The following DCC variants were observed in gnomAD, a reference collection of about 807,000 sequenced individuals.
The protein encoded by DCC is DCC netrin 1 receptor.
Under a neutral mutation model 172.5 loss-of-function variants are expected in DCC, and 58 were observed. The observed-to-expected ratio is 0.34, with a 90% confidence interval of 0.27 to 0.42. The LOEUF (loss-of-function observed/expected upper bound fraction) is 0.42. DCC is among the 10% of genes least tolerant of loss of function. The pLI, the probability that DCC is intolerant of heterozygous loss-of-function variation, is 1.00. For missense variants in DCC, 1,740 were observed against 1,791.0 expected, an observed-to-expected ratio of 0.97 and a Z score of 0.51; for synonymous variants, 709 against 644.5, an observed-to-expected ratio of 1.10 and a Z score of -1.52.
intron 5 of DCC, among the ~76,000 whole-genome samples, chr18:52,957,218 A>G (rs2040759049): frequency 6.6e-6 from 1 of 152,126 alleles, no homozygotes; most frequent in Non-Finnish European, 1.5e-5. Flanking sequence ...TTAATGACCT[A>G]TCATTTGGAG....
At chr18:53,237,812 A>G (rs1215106098) in intron 12 of DCC, among the ~76,000 whole-genome samples, 1 of 152,208 alleles carries the variant, frequency 6.6e-6, no homozygotes, top group Non-Finnish European at 1.5e-5. Flanking sequence ...AATGTCTGAC[A>G]AACCGAGCTG....
intron 5 of DCC, among the ~76,000 whole-genome samples, chr18:53,025,795 T>TACACAC (rs34351949): frequency 0.073 from 10,376 of 141,454 alleles, 436 homozygotes; most frequent in Non-Finnish European, 0.099. Flanking sequence ...AAAACTATGA[T>TACACAC]ACACACACAC....
intron 16 of DCC, among the ~76,000 whole-genome samples, chr18:53,386,723 T>G (rs988631460): frequency 2.6e-5 from 4 of 152,156 alleles, no homozygotes; most frequent in African/African-American, 9.7e-5. Context: ...CTTGTCACCC[T>G]TAGGAATTTT....
intron 9 of DCC, among the ~76,000 whole-genome samples, chr18:53,196,924 C>T (rs1050921896): frequency 6.6e-6 from 1 of 152,006 alleles, no homozygotes; most frequent in Admixed American, 6.6e-5. Context: ...TATCTCCTAA[C>T]TATGTACAGT....
At chr18:53,298,200 T>C (rs1169838886) in intron 12 of DCC, among the ~76,000 whole-genome samples, 1 of 152,024 alleles carries the variant, frequency 6.6e-6, no homozygotes, top group East Asian at 1.9e-4. Context: ...CTAAGCACAA[T>C]TGTTCTCTCT....
chr18:53,082,154 C>T (rs906921001), intron 7 of DCC, among the ~76,000 whole-genome samples: 1 of 152,050 alleles, frequency 6.6e-6, no homozygotes, highest in Admixed American at 6.6e-5. Flanking sequence ...CTACCCTCGT[C>T]CTTATCAATT....
chr18:53,240,859 T>A (rs534419616), intron 12 of DCC, among the ~76,000 whole-genome samples: 1 of 152,222 alleles, frequency 6.6e-6, no homozygotes, highest in Non-Finnish European at 1.5e-5. Context: ...ATTTTTCAGA[T>A]ATTTGTAATA....
intron 1 of DCC, among the ~76,000 whole-genome samples, chr18:52,669,632 C>T (rs1045342882): frequency 5.9e-5 from 9 of 152,152 alleles, no homozygotes; most frequent in Non-Finnish European, 1.3e-4. Context: ...TTGGCAAATA[C>T]ACGGTGCATA....
In DCC at chr18:53,159,534, A is replaced by G. The variant is rs1010277641; in HGVS notation, c.1418+2022A>G. Among the ~76,000 whole-genome samples, 6 of 152,248 alleles carry G rather than the reference A, an allele frequency of 3.9e-5. No individual in the cohort carries two copies. The East Asian group carries it at 1.2e-3, about 29-fold the overall frequency. On this transcript the variant is annotated intron_variant, in intron 8 of 28. Transcript: ENST00000442544. ...GTTACCTTTTTGAAATATAGTTTTG[A>G]TCACTCACTCCACTGCCCCAAAATG...
intron 1 of DCC, among the ~76,000 whole-genome samples, chr18:52,499,957 T>C (rs1237006651): frequency 6.6e-6 from 1 of 152,148 alleles, no homozygotes; most frequent in African/African-American, 2.4e-5. Flanking sequence ...TATCATCTCA[T>C]ATGCTTTGCA....
intron 12 of DCC, among the ~76,000 whole-genome samples, chr18:53,234,601 G>A (rs899638617): frequency 6.6e-6 from 1 of 152,050 alleles, no homozygotes; most frequent in African/African-American, 2.4e-5. Flanking sequence ...GTGTTTAAAA[G>A]AAAATTAGTT....
intron 5 of DCC, among the ~76,000 whole-genome samples, chr18:53,057,079 TAAAAA>T (rs11316527): frequency 4.4e-3 from 390 of 89,334 alleles, no homozygotes; most frequent in African/African-American, 0.016. Flanking sequence ...CTTCTAAAAG[TAAAAA>T]AAAAAAAAAA....
intron 7 of DCC, among the ~76,000 whole-genome samples, chr18:53,099,166 A>G (rs1027634859): frequency 2.0e-5 from 3 of 152,078 alleles, no homozygotes; most frequent in Non-Finnish European, 4.4e-5. Flanking sequence ...GCCAAATGGT[A>G]AGTTTCAACT....
chr18:53,024,425 T>C (rs1444206049), intron 5 of DCC, among the ~76,000 whole-genome samples: 1 of 152,158 alleles, frequency 6.6e-6, no homozygotes, highest in Admixed American at 6.6e-5. Flanking sequence ...TTTGTGAGGT[T>C]ACTGTAAATA....
At chr18:53,094,760 T>G (rs974451254) in intron 7 of DCC, among the ~76,000 whole-genome samples, 4 of 152,214 alleles carry the variant, frequency 2.6e-5, no homozygotes, top group African/African-American at 9.6e-5. Context: ...TTATTAGTTT[T>G]GCCTTGGGCT....
chr18:52,497,269 AAAAAAAAAAAAATAT>A (rs1296038794), intron 1 of DCC, among the ~76,000 whole-genome samples: 2 of 80,716 alleles, frequency 2.5e-5, no homozygotes, highest in South Asian at 3.7e-4. Flanking sequence ...TCAAAAAAAA[AAAAAAAAAAAAATAT>A]ATATATATAT....
chr18:53,279,047 A>G (rs1384507496), intron 12 of DCC, among the ~76,000 whole-genome samples: 1 of 152,086 alleles, frequency 6.6e-6, no homozygotes. Context: ...AAGTGTTCCT[A>G]TTTCTCCACA....
chr18:53,279,268 CTGGAT>C (rs1160676726), intron 12 of DCC, among the ~76,000 whole-genome samples: 1 of 151,840 alleles, frequency 6.6e-6, no homozygotes, highest in Non-Finnish European at 1.5e-5. Flanking sequence ...CAATGATAGA[CTGGAT>C]TAAGAAAATG....
At chr18:52,574,277 T>C (rs565350469) in intron 1 of DCC, among the ~76,000 whole-genome samples, 1 of 152,302 alleles carries the variant, frequency 6.6e-6, no homozygotes, top group East Asian at 1.9e-4. Flanking sequence ...ATGAGGAATA[T>C]GTGAGTGTGG....
Sources: gnomAD v4.1 joint callset for allele counts (sites outside exome capture counted in the v4.1 genomes callset) on GRCh38, gnomAD v4.1.1 for gene constraint, MANE v1.5 for transcripts, NCBI Gene and HGNC (gene_info 2026-07-23, HGNC 2026-07-21) for gene names.